Variants in RAB30 observed in about 807,000 individuals in gnomAD.
The protein encoded by RAB30 is RAB30, member RAS oncogene family.
A neutral mutation model predicts 25.1 loss-of-function variants in RAB30; 9 were observed. The ratio of observed to expected loss-of-function variants is 0.36; its 90% CI spans 0.22 to 0.63. The LOEUF (loss-of-function observed/expected upper bound fraction) is 0.63. Ranked by LOEUF, RAB30 falls within the 20% of genes least tolerant of loss-of-function variation. The probability of loss-of-function intolerance (pLI) is 0.69; values close to 1 mark genes in which losing one functional copy is unlikely to be tolerated. For synonymous variants in RAB30, 77 were observed against 86.4 expected (o/e 0.89, Z 0.60); for missense variants, 140 against 243.5 (o/e 0.58, Z 2.83).
At chr11:83,049,706 T>C (rs1306575629) in intron 1 of RAB30, among the ~76,000 whole-genome samples, 2 of 152,072 alleles carry the variant, frequency 1.3e-5, no homozygotes, top group African/African-American at 4.8e-5. Flanking sequence ...GGCTGGAACA[T>C]GTGCCTTTTG....
chr11:83,008,966 CT>C (rs1309017470), intron 1 of RAB30, among the ~76,000 whole-genome samples: 4 of 152,158 alleles, frequency 2.6e-5, no homozygotes, highest in Non-Finnish European at 5.9e-5. Context: ...AAATTCACCT[CT>C]CTTCAATTCC....
chr11:83,071,585 A>G (rs1308649056), intron 1 of RAB30, 106 bp downstream of exon 1: 1 of 151,846 alleles, frequency 6.6e-6, no homozygotes, highest in Non-Finnish European at 1.5e-5. Flanking sequence ...CCTCTCCCCA[A>G]TCCCCCCCAC....
At chr11:83,037,056 AG>A (rs1858002346) in intron 1 of RAB30, among the ~76,000 whole-genome samples, 1 of 152,138 alleles carries the variant, frequency 6.6e-6, no homozygotes, top group African/African-American at 2.4e-5. Flanking sequence ...TGTGTGGAGA[AG>A]TGAGTGTAGG....
Position 82,977,272 on chromosome 11 carries a change from T to A in RAB30, c.*4893A>T, listed in dbSNP as rs1338374205. On this transcript the variant is annotated 3_prime_UTR_variant, in exon 5 of 5. Coordinates refer to ENST00000527633, the MANE Select transcript of RAB30 (RefSeq NM_001286060.2). ...CATAGGGCATAATGGAGGGCCAGTC[T>A]CTTGGCCTAACAACGTGCAACCAAC... 6.6e-6 allele frequency: 1 copy of A among 152,192 alleles called. No individual in the cohort carries two copies. The highest frequency in any genetic ancestry group is 1.5e-5 in the Non-Finnish European group (1 of 68,032). The allele number at this position is 152,192 out of a possible 1,614,324, so 9.4% of individuals were successfully genotyped here.
At chr11:83,065,103 T>C (rs2121521672) in intron 1 of RAB30, among the ~76,000 whole-genome samples, 1 of 152,260 alleles carries the variant, frequency 6.6e-6, no homozygotes, top group African/African-American at 2.4e-5. Context: ...ATTTTTTTTT[T>C]CTTTTAATAG....
At chr11:83,053,799 TA>T in intron 1 of RAB30, among the ~76,000 whole-genome samples, 1 of 152,260 alleles carries the variant, frequency 6.6e-6, no homozygotes, top group Middle Eastern at 3.4e-3. Context: ...ATGACTTTAA[TA>T]AATAAGTGGC....
chr11:83,028,605 T>G (rs1285879059), intron 1 of RAB30, among the ~76,000 whole-genome samples: 2 of 152,064 alleles, frequency 1.3e-5, no homozygotes, highest in Non-Finnish European at 2.9e-5. Context: ...CCCTTCCAAC[T>G]TCTCTACAGC....
At chr11:83,045,061 T>A (rs1232729486) in intron 1 of RAB30, among the ~76,000 whole-genome samples, 2 of 152,190 alleles carry the variant, frequency 1.3e-5, no homozygotes, top group Non-Finnish European at 2.9e-5. Flanking sequence ...CTAGCCGAAA[T>A]CTGCACATTA....
chr11:82,994,824 C>G (rs1856926495), intron 2 of RAB30, among the ~76,000 whole-genome samples: 1 of 152,104 alleles, frequency 6.6e-6, no homozygotes, highest in Admixed American at 6.5e-5. Flanking sequence ...ATCAAGGAGA[C>G]AGTAGGGTAG....
chr11:83,059,758 T>G (rs1858528789), intron 1 of RAB30, among the ~76,000 whole-genome samples: 1 of 152,138 alleles, frequency 6.6e-6, no homozygotes, highest in Non-Finnish European at 1.5e-5. Context: ...TGGGGCCAAA[T>G]AAATAAGATA....
intron 1 of RAB30, among the ~76,000 whole-genome samples, chr11:82,997,765 G>A (rs35019829): frequency 0.083 from 12,663 of 152,220 alleles, 596 homozygotes; most frequent in Middle Eastern, 0.17. Flanking sequence ...CTAGTGATGC[G>A]CAGACTGAAT....
chr11:83,025,304 C>A lies in RAB30; in HGVS notation c.-8-27980G>T, dbSNP rs550067764. ...GTAGACCATAAGCCTTTTAATCAAA[C>A]GAAGGAAACAACACATCTCTGACTG... On this transcript the variant is annotated intron_variant, in intron 1 of 4. Transcript: ENST00000527633. Among the ~76,000 whole-genome samples, 4 of 152,254 alleles carry A rather than the reference C, an allele frequency of 2.6e-5. No individual in the cohort carries two copies. In the South Asian group the frequency reaches 8.3e-4, roughly 32 times the overall value.
intron 1 of RAB30, among the ~76,000 whole-genome samples, chr11:83,014,285 C>T (rs1157378739): frequency 6.6e-6 from 1 of 152,174 alleles, no homozygotes; most frequent in Non-Finnish European, 1.5e-5. Flanking sequence ...TGGTGGTTCA[C>T]ACCTGTAATC....
At chr11:83,006,106 T>C (rs766320476) in intron 1 of RAB30, among the ~76,000 whole-genome samples, 1 of 152,134 alleles carries the variant, frequency 6.6e-6, no homozygotes, top group Non-Finnish European at 1.5e-5. Flanking sequence ...TATGGAGAAA[T>C]GGGGCACTTG....
chr11:83,048,843 T>C (rs563470647), intron 1 of RAB30, among the ~76,000 whole-genome samples: 108 of 152,304 alleles, frequency 7.1e-4, no homozygotes, highest in African/African-American at 2.3e-3. Flanking sequence ...CCACCGTCTC[T>C]CCAAATCCCA....
At chr11:82,995,509 C>T (rs2121459479) in intron 2 of RAB30, among the ~76,000 whole-genome samples, 1 of 152,284 alleles carries the variant, frequency 6.6e-6, no homozygotes, top group South Asian at 2.1e-4. Flanking sequence ...ACAGCTAGAT[C>T]CAGTTCATTT....
intron 1 of RAB30, among the ~76,000 whole-genome samples, chr11:83,069,903 G>T (rs946768686): frequency 6.6e-6 from 1 of 152,108 alleles, no homozygotes; most frequent in Non-Finnish European, 1.5e-5. Context: ...AAAAGAAAAG[G>T]CAAAGAAATT....
chr11:83,071,860 C>G lies in RAB30; in HGVS notation c.-178G>C, dbSNP rs1590887824. On this transcript the variant is annotated 5_prime_UTR_variant, in exon 1 of 5. Transcript: ENST00000527633. ...AGCTGGAGCGAGCGGCAATCGCAAG[C>G]CCAGCAGCAGCAGGGGGTGGAGAGA... 5 of 374,426 alleles carry G rather than the reference C, an allele frequency of 1.3e-5. No homozygotes were observed. In the South Asian group the frequency reaches 7.3e-4, roughly 55 times the overall value. 23.2% of individuals were successfully genotyped at this position (374,426 alleles called of 1,614,324 possible). A position where few individuals can be genotyped will look rare whatever the true frequency, so the allele number is the denominator to read the frequency against.
chr11:82,986,451 G>A (rs1856740294), intron 4 of RAB30, among the ~76,000 whole-genome samples: 3 of 152,180 alleles, frequency 2.0e-5, no homozygotes. Flanking sequence ...ATCCCAAGTA[G>A]TAATGCTTTG....
Sources: allele counts gnomAD v4.1 joint callset (sites outside exome capture counted in the v4.1 genomes callset), GRCh38; gene constraint gnomAD v4.1.1; transcripts MANE v1.5; gene names NCBI Gene and HGNC (gene_info 2026-07-23, HGNC 2026-07-21).